The following PCDH11X variants were observed in gnomAD, a reference collection of about 807,000 sequenced individuals.
PCDH11X encodes protocadherin 11 X-linked.
In PCDH11X, 18 loss-of-function variants were observed where a neutral mutation model predicts 53.3. The ratio of observed to expected loss-of-function variants is 0.34; its 90% CI spans 0.23 to 0.50. The LOEUF (loss-of-function observed/expected upper bound fraction) is 0.50, where lower values mean the gene tolerates loss of function less well. Among genes scored for constraint, PCDH11X ranks in the 20% least tolerant of loss-of-function variants. The probability of loss-of-function intolerance (pLI) is 0.98; values close to 1 mark genes in which losing one functional copy is unlikely to be tolerated. For missense variants in PCDH11X, 570 were observed against 1,032.4 expected (o/e 0.55, Z 6.14); for synonymous variants, 279 against 393.3 (o/e 0.71, Z 3.44).
chrX:91,859,381 G>A (rs1234788002), intron 5 of PCDH11X, among the ~76,000 whole-genome samples: 2 of 109,965 alleles, frequency 1.8e-5, no homozygotes, highest in African/African-American at 6.6e-5. Flanking sequence ...CATAGGGATA[G>A]ATTGCAAAAA....
intron 10 of PCDH11X, among the ~76,000 whole-genome samples, chrX:92,506,343 T>C (rs2074061314): frequency 9.7e-6 from 1 of 103,469 alleles, no homozygotes; most frequent in Admixed American, 1.1e-4. Context: ...TTTTAGCTTT[T>C]GCTCAATTAG....
intron 6 of PCDH11X, among the ~76,000 whole-genome samples, chrX:92,194,568 T>A: frequency 8.9e-6 from 1 of 111,925 alleles, no homozygotes; most frequent in Middle Eastern, 4.7e-3. Flanking sequence ...ATTTTTAAAG[T>A]TTAGTAAACT....
At chrX:92,444,468 G>T (rs1299405132) in intron 9 of PCDH11X, among the ~76,000 whole-genome samples, 1 of 102,221 alleles carries the variant, frequency 9.8e-6, no homozygotes, top group African/African-American at 3.6e-5. Flanking sequence ...ACAGAATTTT[G>T]TCAACCACAA....
At chrX:92,474,405 C>A (rs1319346115) in intron 10 of PCDH11X, among the ~76,000 whole-genome samples, 2 of 106,411 alleles carry the variant, frequency 1.9e-5, no homozygotes, top group Non-Finnish European at 3.9e-5. Flanking sequence ...TTAATCCACT[C>A]TATGCCTTTT....
At chrX:91,913,288 A>G (rs1307045318) in intron 6 of PCDH11X, among the ~76,000 whole-genome samples, 2 of 111,595 alleles carry the variant, frequency 1.8e-5, no homozygotes, top group Admixed American at 1.9e-4. Flanking sequence ...GTGGGCAGAC[A>G]GGGAAAGGCA....
intron 6 of PCDH11X, among the ~76,000 whole-genome samples, chrX:92,007,007 CA>C (rs2062610731): frequency 9.0e-6 from 1 of 111,243 alleles, no homozygotes. Context: ...GCTGGAGTGA[CA>C]ATAAGCACCC....
In PCDH11X at chrX:91,958,429, C is replaced by T. The variant is rs769359417; in HGVS notation, c.3033+79156C>T. The stretch of plus-strand genomic sequence containing the variant: ...TGTCTGAGTGGCTGCTCTGCTGAGA[C>T]TCCACACAGCTCTGTGTGTCAGACC... On this transcript the variant is annotated intron_variant, in intron 6 of 10. Coordinates refer to ENST00000682573, the MANE Select transcript of PCDH11X (RefSeq NM_032968.5). Among the ~76,000 whole-genome samples the T allele has an allele frequency of 6.3e-5, 7 of 111,451 alleles. No individual in the cohort carries two copies. The South Asian group carries it at 1.1e-3, about 18-fold the overall frequency.
intron 10 of PCDH11X, among the ~76,000 whole-genome samples, chrX:92,504,160 T>C (rs1000771945): frequency 9.5e-6 from 1 of 105,630 alleles, no homozygotes; most frequent in Non-Finnish European, 1.9e-5. Context: ...ACAGATTTGT[T>C]ATATAGATAA....
At chrX:92,586,088 T>C (rs113986392) in intron 10 of PCDH11X, among the ~76,000 whole-genome samples, 2,060 of 82,024 alleles carry the variant, frequency 0.025, 66 homozygotes, top group Middle Eastern at 0.095. Context: ...TTTACTGATG[T>C]GGCAATAAAC....
At chrX:92,265,209 A>G (rs1478099778) in intron 8 of PCDH11X, among the ~76,000 whole-genome samples, 1 of 109,921 alleles carries the variant, frequency 9.1e-6, no homozygotes, top group Non-Finnish European at 1.9e-5. Context: ...TGCTGGGATT[A>G]TGTGTGTGAG....
At chrX:92,233,835 T>C (rs998182040) in intron 7 of PCDH11X, among the ~76,000 whole-genome samples, 3 of 112,228 alleles carry the variant, frequency 2.7e-5, no homozygotes, top group African/African-American at 9.7e-5. Context: ...TTTAATATTT[T>C]TTTCACAGCA....
intron 6 of PCDH11X, among the ~76,000 whole-genome samples, chrX:92,189,784 G>A (rs1258813913): frequency 8.9e-6 from 1 of 111,770 alleles, no homozygotes; most frequent in Non-Finnish European, 1.9e-5. Context: ...GTATCTCATT[G>A]TGGTTTTGCT....
intron 8 of PCDH11X, among the ~76,000 whole-genome samples, chrX:92,331,279 T>TTTCTTCTTC (rs757045963): frequency 0.013 from 705 of 53,199 alleles, 55 homozygotes; most frequent in African/African-American, 0.023. Flanking sequence ...CCTCCTCCTC[T>TTTCTTCTTC]TTCTTCTTCT....
chrX:92,472,626 T>C (rs2073291905), intron 10 of PCDH11X, among the ~76,000 whole-genome samples: 1 of 110,247 alleles, frequency 9.1e-6, no homozygotes, highest in Non-Finnish European at 1.9e-5. Context: ...TATAAATTTT[T>C]AAATATTTTT....
intron 5 of PCDH11X, among the ~76,000 whole-genome samples, chrX:91,868,911 C>A (rs1289112204): frequency 9.0e-6 from 1 of 111,041 alleles, no homozygotes; most frequent in Non-Finnish European, 1.9e-5. Flanking sequence ...CTTAAAGGAC[C>A]TTTTTACAAG....
At chrX:92,340,054 A>G (rs1342423637) in intron 8 of PCDH11X, among the ~76,000 whole-genome samples, 1 of 111,846 alleles carries the variant, frequency 8.9e-6, no homozygotes, top group African/African-American at 3.3e-5. Flanking sequence ...TCCGAAAAAG[A>G]GAAATCGGCC....
At chrX:92,502,985 A>G (rs752808677) in intron 10 of PCDH11X, among the ~76,000 whole-genome samples, 9 of 107,793 alleles carry the variant, frequency 8.3e-5, no homozygotes, top group African/African-American at 3.0e-4. Flanking sequence ...CCACCTGACA[A>G]AAGTCTAATA....
At chrX:91,883,230 T>A (rs1939999058) in intron 6 of PCDH11X, 25 of 855,380 alleles carry the variant, frequency 2.9e-5, no homozygotes, top group Non-Finnish European at 3.6e-5. Context: ...TGATGTAATA[T>A]AAGGCTGTCT....
At chrX:92,054,820 C>CAAAAAAAAAAA (rs1174448342) in intron 6 of PCDH11X, among the ~76,000 whole-genome samples, 1 of 25,337 alleles carries the variant, frequency 3.9e-5, no homozygotes, top group Non-Finnish European at 8.3e-5. Flanking sequence ...AACTCTGTCT[C>CAAAAAAAAAAA]AAAAAAAAAA....
Sources: allele counts gnomAD v4.1 joint callset (sites outside exome capture counted in the v4.1 genomes callset), GRCh38; gene constraint gnomAD v4.1.1; transcripts MANE v1.5; gene names NCBI Gene and HGNC (gene_info 2026-07-23, HGNC 2026-07-21).